Variants in GALNT17 observed in about 807,000 individuals in gnomAD.
GALNT17 encodes UDP-GalNAc:polypeptide N-acetylgalactosaminyltransferase-like 3.
In GALNT17, 29 loss-of-function variants were observed where a neutral mutation model predicts 63.7. The observed-to-expected ratio is 0.46, with a 90% CI of 0.34 to 0.62. GALNT17 has a LOEUF of 0.62. Among genes scored for constraint, GALNT17 ranks in the 20% least tolerant of loss-of-function variants. The pLI is 0.01. For synonymous variants in GALNT17, 305 were observed against 318.3 expected (o/e 0.96, Z 0.45); for missense variants, 603 against 799.6 (o/e 0.75, Z 2.97).
At chr7:71,260,394 C>T (rs767896561) in intron 1 of GALNT17, among the ~76,000 whole-genome samples, 37 of 152,068 alleles carry the variant, frequency 2.4e-4, no homozygotes, top group Non-Finnish European at 5.0e-4. Context: ...AGTGCTGGGC[C>T]GACTGAAACA....
chr7:71,491,868 G>T (rs1788014370), intron 5 of GALNT17, among the ~76,000 whole-genome samples: 1 of 152,192 alleles, frequency 6.6e-6, no homozygotes. Flanking sequence ...CTGGAAGCGT[G>T]AACTTGGGCC....
intron 1 of GALNT17, among the ~76,000 whole-genome samples, chr7:71,235,350 G>T (rs181823477): frequency 6.6e-6 from 1 of 152,076 alleles, no homozygotes; most frequent in Non-Finnish European, 1.5e-5. Flanking sequence ...TGCACAGAAG[G>T]CTGCATCACC....
At chr7:71,256,253 C>T (rs1264218896) in intron 1 of GALNT17, among the ~76,000 whole-genome samples, 1 of 152,186 alleles carries the variant, frequency 6.6e-6, no homozygotes, top group African/African-American at 2.4e-5. Context: ...TTGATTGATG[C>T]CTGTTGTCTC....
At chr7:71,152,499 C>A (rs1038257410) in intron 1 of GALNT17, among the ~76,000 whole-genome samples, 2 of 152,176 alleles carry the variant, frequency 1.3e-5, no homozygotes, top group Non-Finnish European at 2.9e-5. Context: ...TAGTCCCTCT[C>A]CCCTAGTTAG....
Position 71,589,774 on chromosome 7 carries a change from T to C in GALNT17, c.1080+18372T>C, listed in dbSNP as rs965292879. Among the ~76,000 whole-genome samples the C allele has an allele frequency of 2.0e-5, 3 of 152,316 alleles. No homozygotes were observed. In the East Asian group the frequency reaches 5.8e-4, roughly 29 times the overall value. On this transcript the variant is annotated intron_variant, in intron 6 of 10. Transcript: ENST00000333538. ...TGTCCAAGGTCTTACAGCTAATAAA[T>C]AGAACAGCCGGAACTCAACCCAAAT...
intron 1 of GALNT17, among the ~76,000 whole-genome samples, chr7:71,205,394 C>T (rs1208198060): frequency 3.3e-5 from 5 of 151,950 alleles, no homozygotes; most frequent in South Asian, 2.1e-4. Context: ...CCTCGTGATC[C>T]GCCTGCCTCG....
chr7:71,320,852 G>A (rs534288675), intron 1 of GALNT17, among the ~76,000 whole-genome samples: 44 of 152,242 alleles, frequency 2.9e-4, no homozygotes, highest in African/African-American at 1.0e-3. Context: ...TACCTTCTAT[G>A]ATATGACCAG....
intron 5 of GALNT17, among the ~76,000 whole-genome samples, chr7:71,430,384 G>A (rs1035861308): frequency 1.4e-4 from 22 of 152,124 alleles, no homozygotes; most frequent in Non-Finnish European, 2.5e-4. Context: ...CTTGAGAACT[G>A]CTGATCTGTA....
At chr7:71,260,966 A>G (rs1790374483) in intron 1 of GALNT17, among the ~76,000 whole-genome samples, 1 of 152,086 alleles carries the variant, frequency 6.6e-6, no homozygotes, top group Non-Finnish European at 1.5e-5. Context: ...TTAAATTTCA[A>G]CATATAGAGA....
At chr7:71,635,654 T>C (rs889479321) in intron 6 of GALNT17, among the ~76,000 whole-genome samples, 2 of 152,114 alleles carry the variant, frequency 1.3e-5, no homozygotes, top group East Asian at 1.9e-4. Context: ...GGCGAGTCCA[T>C]AGAGTAAAGT....
intron 5 of GALNT17, among the ~76,000 whole-genome samples, chr7:71,486,596 G>C (rs1000971170): frequency 6.6e-6 from 1 of 151,356 alleles, no homozygotes; most frequent in African/African-American, 2.4e-5. Flanking sequence ...CTCAGGCCAG[G>C]CATGATGGTT....
At chr7:71,477,106 A>G (rs1787736108) in intron 5 of GALNT17, among the ~76,000 whole-genome samples, 2 of 152,182 alleles carry the variant, frequency 1.3e-5, no homozygotes. Context: ...TGTAAGTTTT[A>G]GTGATACTAC....
intron 3 of GALNT17, among the ~76,000 whole-genome samples, chr7:71,413,211 A>G (rs1161918221): frequency 1.3e-5 from 2 of 152,166 alleles, no homozygotes; most frequent in Admixed American, 6.5e-5. Flanking sequence ...GATCTGCTGC[A>G]TAACTTAAAC....
rs1371375923 is a variant in GALNT17, at chr7:71,335,731, C to A, written c.420C>A (p.Thr140=). The A allele has an allele frequency of 3.1e-6, 5 of 1,599,018 alleles. No homozygotes were observed. Among genetic ancestry groups the A allele is most frequent in the African/African-American group, 1.3e-5 (1 of 74,334 alleles). ...LDRSIPDYRP[T]KCKELKYSKD... ...GTTCCATTCCGGATTATCGTCCCAC[C>A]AAGTAAGTTCTGGTTCAGTCATTTG... The change falls in exon 2 of 11, where the codon ACC becomes ACA. Residue 140 remains threonine (T), a splice_region_variant and synonymous_variant. Transcript: ENST00000333538.
At chr7:71,602,528 TGACTC>T (rs1207668908) in intron 6 of GALNT17, among the ~76,000 whole-genome samples, 4 of 152,194 alleles carry the variant, frequency 2.6e-5, no homozygotes, top group African/African-American at 9.7e-5. Flanking sequence ...TTATGATAAT[TGACTC>T]TACGTGTTAC....
At chr7:71,671,938 G>T (rs1791075837) in intron 8 of GALNT17, among the ~76,000 whole-genome samples, 1 of 149,750 alleles carries the variant, frequency 6.7e-6, no homozygotes, top group Admixed American at 6.7e-5. Flanking sequence ...TGAGGCAGGA[G>T]AATTGCTTGA....
chr7:71,336,098 G>A lies in GALNT17; in HGVS notation c.422+365G>A, dbSNP rs193063844. Among the ~76,000 whole-genome samples the A allele has an allele frequency of 2.4e-3, 311 of 129,600 alleles. 3 individuals carry two copies. Among genetic ancestry groups the A allele is most frequent in the African/African-American group, 8.7e-3 (296 of 34,056 alleles). 85.0% of individuals were successfully genotyped at this position (129,600 alleles called of 152,430 possible). ...TCGCTCTTGTTGCCCAGGCTGGAGC[G>A]CAATGGTGCGATCTCAGCTCACCGC... On this transcript the variant is annotated intron_variant, in intron 2 of 10. Coordinates refer to ENST00000333538, the MANE Select transcript of GALNT17 (RefSeq NM_022479.3).
chr7:71,699,955 G>A (rs75243351), intron 9 of GALNT17, among the ~76,000 whole-genome samples: 2,547 of 152,064 alleles, frequency 0.017, 44 homozygotes, highest in Middle Eastern at 0.044. Context: ...AAGGTGAAGT[G>A]TGTCAGTGTA....
At chr7:71,442,903 G>GT (rs1787093943) in intron 5 of GALNT17, among the ~76,000 whole-genome samples, 1 of 152,186 alleles carries the variant, frequency 6.6e-6, no homozygotes, top group Non-Finnish European at 1.5e-5. Context: ...GTATTTTGGA[G>GT]TTTAACTTCC....
Sources: allele counts gnomAD v4.1 joint callset (sites outside exome capture counted in the v4.1 genomes callset), GRCh38; gene constraint gnomAD v4.1.1; transcripts MANE v1.5; gene names NCBI Gene and HGNC (gene_info 2026-07-23, HGNC 2026-07-21).